FDFT1: variants seen among roughly 807,000 people sequenced by gnomAD.
FDFT1 encodes farnesyl-diphosphate farnesyltransferase 1.
A neutral mutation model predicts 46.8 loss-of-function variants in FDFT1; 68 were observed. The observed-to-expected ratio is 1.45, with a 90% CI of 1.19 to 1.78. The LOEUF (loss-of-function observed/expected upper bound fraction) is 1.78. FDFT1 is among the 40% of genes most tolerant of loss of function. FDFT1 has a pLI of 0.00. For synonymous variants in FDFT1, 351 were observed against 185.1 expected, an observed-to-expected ratio of 1.90 and a Z score of -7.28; for missense variants, 928 against 524.4, an observed-to-expected ratio of 1.77 and a Z score of -7.52.
intron 3 of FDFT1, among the ~76,000 whole-genome samples, chr8:11,813,587 T>C (rs924043735): frequency 2.6e-5 from 4 of 152,234 alleles, no homozygotes; most frequent in African/African-American, 2.4e-5. Context: ...AGATCTCTTG[T>C]GCTGAGTCAC....
At chr8:11,808,442 G>C in intron 1 of FDFT1, 1 of 1,269,674 alleles carries the variant, frequency 7.9e-7, no homozygotes, top group Non-Finnish European at 9.9e-7. Context: ...GGGCGAGCCC[G>C]TCCCGCCCCT....
At chr8:11,821,659 T>C in intron 3 of FDFT1, 91 bp from the exon 4 acceptor site, 34 of 1,439,542 alleles carry the variant, frequency 2.4e-5, no homozygotes, top group Non-Finnish European at 3.3e-5. Flanking sequence ...ATTGCAGTCA[T>C]GATTAATTCC....
At chr8:11,808,501 C>A in intron 1 of FDFT1, 3 of 1,329,204 alleles carry the variant, frequency 2.3e-6, no homozygotes, top group Non-Finnish European at 2.9e-6. Context: ...AAAAACTCCG[C>A]GGGGTCCGCG....
intron 7 of FDFT1, among the ~76,000 whole-genome samples, chr8:11,836,279 G>C (rs894002992): frequency 4.6e-5 from 7 of 152,178 alleles, no homozygotes; most frequent in Non-Finnish European, 5.9e-5. Flanking sequence ...TCATTTACAA[G>C]AGTAGTGTGT....
intron 7 of FDFT1, among the ~76,000 whole-genome samples, chr8:11,832,981 T>A (rs1811051945): frequency 6.6e-6 from 1 of 152,292 alleles, no homozygotes; most frequent in Non-Finnish European, 1.5e-5. Flanking sequence ...AAAATAGCGA[T>A]TTCTGATTTC....
chr8:11,830,329 T>C lies in FDFT1; in HGVS notation c.788T>C (p.Ile263Thr), dbSNP rs777100951. The C allele has an allele frequency of 1.5e-4, 244 of 1,613,790 alleles. 2 individuals carry two copies. Among genetic ancestry groups the C allele is most frequent in the Admixed American group, 1.3e-3 (80 of 60,000 alleles). The change falls in exon 6 of 8, where the codon ATA (isoleucine) becomes ACA (threonine). Residue 263 changes from isoleucine to threonine, a missense_variant. Ile to Thr is a moderately conservative substitution (Grantham distance 89). Coordinates refer to ENST00000220584, the MANE Select transcript of FDFT1 (RefSeq NM_004462.5). ...GCCGTGCAGTGCCTGAATGAACTTA[T>C]AACCAATGCACTGCACCACATCCCA... ...DLAVQCLNEL[I>T]TNALHHIPDV...
At chr8:11,833,735 TGAG>T (rs780510899) in intron 7 of FDFT1, among the ~76,000 whole-genome samples, 15 of 152,314 alleles carry the variant, frequency 9.8e-5, no homozygotes, top group East Asian at 5.8e-4. Context: ...ACGGCCGAGT[TGAG>T]GAGCTGCAAC....
intron 3 of FDFT1, among the ~76,000 whole-genome samples, chr8:11,819,601 C>T (rs4442098): frequency 0.13 from 20,073 of 151,800 alleles, 1,430 homozygotes; most frequent in Middle Eastern, 0.16. Flanking sequence ...ATTTGATCTT[C>T]GATCACTGAT....
At chr8:11,803,448 T>G in intron 1 of FDFT1, 1 of 1,283,216 alleles carries the variant, frequency 7.8e-7, no homozygotes, top group South Asian at 1.2e-5. Flanking sequence ...AGTTTTAAAA[T>G]CGCCTATCTA....
intron 3 of FDFT1, among the ~76,000 whole-genome samples, chr8:11,821,159 A>C (rs7015547): frequency 0.49 from 74,231 of 152,156 alleles, 19,863 homozygotes; most frequent in East Asian, 0.77. Context: ...CAAAAACTTA[A>C]ACCCAGCTTT....
rs184559102 is a variant in FDFT1, at chr8:11,816,630, A to G, written c.382-5120A>G. Among the ~76,000 whole-genome samples, 7 of 152,258 alleles carry G rather than the reference A, an allele frequency of 4.6e-5. No individual in the cohort carries two copies. In the East Asian group the frequency reaches 1.4e-3, roughly 29 times the overall value. On this transcript the variant is annotated intron_variant, in intron 3 of 7. Coordinates refer to ENST00000220584, the MANE Select transcript of FDFT1 (RefSeq NM_004462.5). ...TAGGTGTTGTATTCTCTTTGTAGCT[A>G]TTGTGAATGGGAGTTCACTCATGAT...
chr8:11,802,956 CG>C, intron 1 of FDFT1, 25 bp downstream of exon 1: 1 of 1,574,248 alleles, frequency 6.4e-7, no homozygotes, highest in Non-Finnish European at 8.6e-7. Context: ...CCTGCTTGCC[CG>C]GGGCGGGGAA....
intron 3 of FDFT1, among the ~76,000 whole-genome samples, chr8:11,815,811 TG>T (rs1808363584): frequency 6.6e-6 from 1 of 152,264 alleles, no homozygotes; most frequent in Non-Finnish European, 1.5e-5. Flanking sequence ...TCTCCTATTC[TG>T]TAGGTTGCCT....
chr8:11,803,045 C>A lies in FDFT1; in HGVS notation c.99+114C>A, dbSNP rs1253342991. 3 of 1,471,184 alleles carry A rather than the reference C, an allele frequency of 2.0e-6. No homozygotes were observed. In the South Asian group the frequency reaches 4.2e-5, roughly 20 times the overall value. The allele number at this position is 1,471,184 out of a possible 1,614,324, so 91.1% of individuals were successfully genotyped here. On this transcript the variant is annotated intron_variant, in intron 1 of 7. Coordinates refer to ENST00000220584, the MANE Select transcript of FDFT1 (RefSeq NM_004462.5). ...CAAGGGGCGCGGCGAGCAGGGCCGACGCCTGGGTGTTCCCGTCCCCCTTTC... is the reference window on the plus strand; with the variant it reads ...CAAGGGGCGCGGCGAGCAGGGCCGAAGCCTGGGTGTTCCCGTCCCCCTTTC...
chr8:11,826,452 C>G (rs577704221), intron 5 of FDFT1, among the ~76,000 whole-genome samples: 4 of 152,180 alleles, frequency 2.6e-5, no homozygotes, highest in African/African-American at 9.7e-5. Flanking sequence ...TTCTTTCAGA[C>G]GGTCTTTCTC....
At chr8:11,816,954 A>G (rs965200517) in intron 3 of FDFT1, among the ~76,000 whole-genome samples, 2 of 152,222 alleles carry the variant, frequency 1.3e-5, no homozygotes, top group African/African-American at 4.8e-5. Flanking sequence ...GCAGGTTTTC[A>G]AAGGGAATGC....
chr8:11,822,405 C>G (rs901298912), intron 4 of FDFT1, among the ~76,000 whole-genome samples: 6 of 151,822 alleles, frequency 4.0e-5, no homozygotes, highest in African/African-American at 1.5e-4. Context: ...GGTCCAAGGT[C>G]TTGGGCCTCT....
chr8:11,835,650 G>C (rs1811434000), intron 7 of FDFT1, among the ~76,000 whole-genome samples: 1 of 152,120 alleles, frequency 6.6e-6, no homozygotes, highest in Non-Finnish European at 1.5e-5. Context: ...ATGTAAGATG[G>C]CTTATGGTTA....
intron 1 of FDFT1, chr8:11,807,842 A>G (rs1022662658): frequency 6.6e-6 from 1 of 152,284 alleles, no homozygotes; most frequent in Non-Finnish European, 1.5e-5. Context: ...GGACAGTGGT[A>G]GTAAAACGGC....
Sources: gnomAD v4.1 joint callset for allele counts (sites outside exome capture counted in the v4.1 genomes callset) on GRCh38, gnomAD v4.1.1 for gene constraint, MANE v1.5 for transcripts, NCBI Gene and HGNC (gene_info 2026-07-23, HGNC 2026-07-21) for gene names.